The following KCNH8 variants were observed in gnomAD, a reference collection of about 807,000 sequenced individuals.
KCNH8 encodes potassium voltage-gated channel subfamily H member 8, also known as voltage-gated delayed rectifier potassium channel KCNH8.
A neutral mutation model predicts 103.6 loss-of-function variants in KCNH8; 70 were observed. That is an observed-to-expected ratio of 0.68 (90% CI 0.56 to 0.82). The LOEUF is 0.82. Ranked by LOEUF, KCNH8 falls within the 40% of genes least tolerant of loss-of-function variation. The pLI is 0.00. For synonymous variants in KCNH8, 498 were observed against 489.4 expected (o/e 1.02, Z -0.23); for missense variants, 1,217 against 1,329.9 (o/e 0.92, Z 1.32).
chr3:19,381,793 A>G (rs764813345), intron 5 of KCNH8, among the ~76,000 whole-genome samples: 4 of 152,198 alleles, frequency 2.6e-5, no homozygotes, highest in Non-Finnish European at 4.4e-5. Flanking sequence ...GTGAATTCGT[A>G]TAGTCTCTCT....
chr3:19,465,074 A>G (rs1407033512), intron 11 of KCNH8, among the ~76,000 whole-genome samples: 1 of 152,208 alleles, frequency 6.6e-6, no homozygotes, highest in African/African-American at 2.4e-5. Flanking sequence ...CTATATTTCA[A>G]TAATGCTGGA....
intron 5 of KCNH8, among the ~76,000 whole-genome samples, chr3:19,380,147 T>C (rs909274232): frequency 4.6e-5 from 7 of 152,240 alleles, no homozygotes; most frequent in Non-Finnish European, 2.9e-5. Context: ...CTCTAGATAC[T>C]ATAATTTATT....
intron 4 of KCNH8, among the ~76,000 whole-genome samples, chr3:19,346,252 TTA>T (rs1255606827): frequency 6.6e-6 from 1 of 152,056 alleles, no homozygotes; most frequent in African/African-American, 2.4e-5. Context: ...GCCCGAATTT[TTA>T]TGAGAAGCCC....
rs114453697 is a variant in KCNH8, at chr3:19,219,697, G to C, written c.77-33957G>C. Among the ~76,000 whole-genome samples, 1,171 of 152,274 alleles carry C rather than the reference G, an allele frequency of 7.7e-3. 16 individuals carry two copies. The highest frequency in any genetic ancestry group is 0.026 in the African/African-American group (1,078 of 41,552). On this transcript the variant is annotated intron_variant, in intron 1 of 15. Coordinates refer to ENST00000328405, the MANE Select transcript of KCNH8 (RefSeq NM_144633.3). ...TGACTGCAAATTCTTATGGGTGCTT[G>C]CCATGGCTCCCTTCTGAGAGCTCAA... is the stretch of plus-strand genomic sequence containing the variant.
chr3:19,166,439 A>G (rs2063284223), intron 1 of KCNH8, among the ~76,000 whole-genome samples: 1 of 152,268 alleles, frequency 6.6e-6, no homozygotes, highest in South Asian at 2.1e-4. Context: ...GCCTACTTTT[A>G]CAAGAATATA....
At chr3:19,407,931 C>G (rs2066718987) in intron 7 of KCNH8, among the ~76,000 whole-genome samples, 1 of 152,122 alleles carries the variant, frequency 6.6e-6, no homozygotes, top group African/African-American at 2.4e-5. Context: ...ACTGGATTCT[C>G]CTTTGGCACT....
intron 5 of KCNH8, among the ~76,000 whole-genome samples, chr3:19,388,200 T>C (rs866541460): frequency 6.6e-6 from 1 of 152,264 alleles, no homozygotes; most frequent in Non-Finnish European, 1.5e-5. Flanking sequence ...CCTTAGCCTA[T>C]ATTGCGGAAA....
At chr3:19,448,418 T>C in intron 8 of KCNH8, among the ~76,000 whole-genome samples, 1 of 152,034 alleles carries the variant, frequency 6.6e-6, no homozygotes, top group East Asian at 1.9e-4. Context: ...TCTAAAATAC[T>C]GAGGTCTTGT....
chr3:19,501,445 A>G (rs962837083), intron 11 of KCNH8, among the ~76,000 whole-genome samples: 1 of 152,228 alleles, frequency 6.6e-6, no homozygotes, highest in African/African-American at 2.4e-5. Context: ...CATCATCCTG[A>G]TACCAAAGCC....
intron 15 of KCNH8, among the ~76,000 whole-genome samples, chr3:19,532,366 C>T (rs929103731): frequency 2.6e-5 from 4 of 152,198 alleles, no homozygotes; most frequent in Non-Finnish European, 5.9e-5. Context: ...TCTCTACTTA[C>T]GCACCTTGCA....
In KCNH8 at chr3:19,292,731, C is replaced by A. The variant is rs761313339; in HGVS notation, c.442+11402C>A. 2.0e-5 allele frequency among the ~76,000 whole-genome samples: 3 copies of A among 152,256 alleles called. No individual in the cohort carries two copies. In the East Asian group the frequency reaches 5.8e-4, roughly 29 times the overall value. On this transcript the variant is annotated intron_variant, in intron 3 of 15. Coordinates refer to ENST00000328405, the MANE Select transcript of KCNH8 (RefSeq NM_144633.3). The stretch of plus-strand genomic sequence containing the variant: ...TTGGTTTTCTTCATCTTGCTTGTCA[C>A]CTGATGGTTGCAAGATGCATGCTGC...
At chr3:19,468,695 A>G (rs1309925489) in intron 11 of KCNH8, among the ~76,000 whole-genome samples, 1 of 152,218 alleles carries the variant, frequency 6.6e-6, no homozygotes, top group Non-Finnish European at 1.5e-5. Flanking sequence ...CCCATTTTCT[A>G]CATCTAATTT....
At chr3:19,313,397 T>G (rs148562132) in intron 3 of KCNH8, among the ~76,000 whole-genome samples, 1,950 of 152,028 alleles carry the variant, frequency 0.013, 19 homozygotes, top group Non-Finnish European at 0.022. Context: ...CTAACTGCAA[T>G]TTTTCCAGCT....
At chr3:19,428,697 A>G (rs1198557488) in intron 7 of KCNH8, among the ~76,000 whole-genome samples, 3 of 152,246 alleles carry the variant, frequency 2.0e-5, no homozygotes, top group African/African-American at 7.2e-5. Flanking sequence ...GACTGACAGA[A>G]AAAGAATAAG....
chr3:19,200,869 A>G (rs1363310538), intron 1 of KCNH8, among the ~76,000 whole-genome samples: 1 of 152,118 alleles, frequency 6.6e-6, no homozygotes, highest in Non-Finnish European at 1.5e-5. Context: ...CAGGATAAGC[A>G]TACTAAATCA....
intron 5 of KCNH8, among the ~76,000 whole-genome samples, chr3:19,375,378 T>C (rs1344786924): frequency 6.6e-6 from 1 of 151,056 alleles, no homozygotes; most frequent in Non-Finnish European, 1.5e-5. Context: ...GCTGATACCC[T>C]TTCTTCCAGT....
chr3:19,400,411 G>A (rs1359578883), intron 7 of KCNH8, among the ~76,000 whole-genome samples: 2 of 151,578 alleles, frequency 1.3e-5, no homozygotes, highest in African/African-American at 4.8e-5. Context: ...ATTGTGTCTT[G>A]GTCAGTAGCT....
intron 1 of KCNH8, among the ~76,000 whole-genome samples, chr3:19,234,138 C>G (rs982864731): frequency 6.6e-6 from 1 of 152,180 alleles, no homozygotes; most frequent in East Asian, 1.9e-4. Flanking sequence ...TTTGACAGGG[C>G]GCTGTTTGGT....
rs372477557 is a variant in KCNH8, at chr3:19,530,622, A to T, written c.2620-2773A>T. 4.6e-5 allele frequency among the ~76,000 whole-genome samples: 7 copies of T among 152,316 alleles called. 1 individual carries two copies. Among genetic ancestry groups the T allele is most frequent in the East Asian group, 3.9e-4 (2 of 5,184 alleles). Reference sequence around the variant, plus strand: ...CTATGAAGATATTTTACTGTGTTTAATCAGTCTCCTACATTTTTAGAGATG... The same window carrying T: ...CTATGAAGATATTTTACTGTGTTTATTCAGTCTCCTACATTTTTAGAGATG... On this transcript the variant is annotated intron_variant, in intron 15 of 15. Transcript: ENST00000328405.
Sources: gnomAD v4.1 joint callset for allele counts (sites outside exome capture counted in the v4.1 genomes callset) on GRCh38, gnomAD v4.1.1 for gene constraint, MANE v1.5 for transcripts, NCBI Gene and HGNC (gene_info 2026-07-23, HGNC 2026-07-21) for gene names.